The following GRID2 variants were observed in gnomAD, a reference collection of about 807,000 sequenced individuals.
The protein encoded by GRID2 is glutamate ionotropic receptor delta type subunit 2.
Under a neutral mutation model 114.8 loss-of-function variants are expected in GRID2, and 33 were observed. That is an observed-to-expected ratio of 0.29 (90% confidence interval 0.22 to 0.38). The LOEUF is 0.38. Ranked by LOEUF, GRID2 falls within the 10% of genes least tolerant of loss-of-function variation. The probability of loss-of-function intolerance (pLI) is 1.00; values close to 1 mark genes in which losing one functional copy is unlikely to be tolerated. For synonymous variants in GRID2, 505 were observed against 449.9 expected (o/e 1.12, Z -1.55); for missense variants, 1,184 against 1,257.7 (o/e 0.94, Z 0.89).
chr4:93,242,394 A>G (rs911796141), intron 8 of GRID2, among the ~76,000 whole-genome samples: 4 of 152,036 alleles, frequency 2.6e-5, no homozygotes, highest in African/African-American at 7.2e-5. Flanking sequence ...ATGTTTGTCC[A>G]GCAGCATTGA....
At chr4:92,987,812 A>G (rs1754604349) in intron 2 of GRID2, among the ~76,000 whole-genome samples, 1 of 152,148 alleles carries the variant, frequency 6.6e-6, no homozygotes, top group Non-Finnish European at 1.5e-5. Context: ...CTCTCTAATT[A>G]TAACTGTTAA....
At chr4:92,742,570 T>C (rs1298398594) in intron 2 of GRID2, among the ~76,000 whole-genome samples, 2 of 152,192 alleles carry the variant, frequency 1.3e-5, no homozygotes, top group South Asian at 2.1e-4. Context: ...ATGAGCATTT[T>C]GGTCCTGCAT....
At chr4:92,490,604 G>T (rs1233430640) in intron 1 of GRID2, among the ~76,000 whole-genome samples, 1 of 152,116 alleles carries the variant, frequency 6.6e-6, no homozygotes, top group Non-Finnish European at 1.5e-5. Context: ...TCATATTGAA[G>T]AAGTAGTGTG....
intron 1 of GRID2, among the ~76,000 whole-genome samples, chr4:92,576,417 T>A (rs1168513429): frequency 6.6e-6 from 1 of 152,212 alleles, no homozygotes; most frequent in East Asian, 1.9e-4. Flanking sequence ...TGCTGGTGGC[T>A]GCTCTGGATT....
At chr4:92,618,171 A>G (rs964243488) in intron 2 of GRID2, among the ~76,000 whole-genome samples, 1 of 151,642 alleles carries the variant, frequency 6.6e-6, no homozygotes, top group African/African-American at 2.4e-5. Context: ...TCTTTGATCT[A>G]TTTTATTTCT....
At chr4:92,619,530 T>A (rs888805618) in intron 2 of GRID2, among the ~76,000 whole-genome samples, 2 of 151,658 alleles carry the variant, frequency 1.3e-5, no homozygotes, top group South Asian at 4.1e-4. Flanking sequence ...TTGATTTTTT[T>A]AAATACCAAA....
rs1723607188 is a variant in GRID2, at chr4:93,460,140, G to T, written c.1858+4166G>T. 3.9e-5 allele frequency among the ~76,000 whole-genome samples: 6 copies of T among 152,214 alleles called. No individual in the cohort carries two copies. In the South Asian group the frequency reaches 1.2e-3, roughly 32 times the overall value. ...TATATACCCAAGTTATCCATGCCAT[G>T]GAAAGATAAACACATAATTCCCATT... On this transcript the variant is annotated intron_variant, in intron 11 of 15. Transcript: ENST00000282020.
At chr4:93,808,781 G>A (rs973820294) in exon 2 of GRID2, 2 of 152,140 alleles carry the variant, frequency 1.3e-5, no homozygotes, top group African/African-American at 2.4e-5. Flanking sequence ...AGTGGTTCAG[G>A]GAATCATCTG....
In GRID2 at chr4:93,748,876, A is replaced by G. The variant is rs186190430; in HGVS notation, c.2361-20334A>G. 4.0e-4 allele frequency among the ~76,000 whole-genome samples: 61 copies of G among 152,276 alleles called. 1 individual carries two copies. The highest frequency in any genetic ancestry group is 1.4e-3 in the Admixed American group (21 of 15,284). The stretch of plus-strand genomic sequence containing the variant: ...AGAAAAACATAGATCATTGTGACAA[A>G]TGCATTGTATCTTTATAATTCATTG... On this transcript the variant is annotated intron_variant, in intron 14 of 15. Coordinates refer to ENST00000282020, the MANE Select transcript of GRID2 (RefSeq NM_001510.4).
chr4:93,791,776 A>G (rs1734699738), intron 1 of GRID2, among the ~76,000 whole-genome samples: 1 of 152,206 alleles, frequency 6.6e-6, no homozygotes. Context: ...TGTCTTTTGT[A>G]GAGCCAGATG....
chr4:93,250,889 A>T (rs1236973928), intron 8 of GRID2, among the ~76,000 whole-genome samples: 1 of 151,754 alleles, frequency 6.6e-6, no homozygotes, highest in Non-Finnish European at 1.5e-5. Flanking sequence ...CTATTAAAAC[A>T]TGGTTGTGAG....
At chr4:93,085,502 C>G (rs928688789) in intron 3 of GRID2, among the ~76,000 whole-genome samples, 1 of 152,128 alleles carries the variant, frequency 6.6e-6, no homozygotes, top group African/African-American at 2.4e-5. Context: ...CCTGTACCTA[C>G]TTAATGCTTA....
At chr4:93,744,100 C>A (rs1268542852) in intron 14 of GRID2, among the ~76,000 whole-genome samples, 1 of 152,154 alleles carries the variant, frequency 6.6e-6, no homozygotes, top group Non-Finnish European at 1.5e-5. Flanking sequence ...AATGTGGAGA[C>A]ACTGCTCAGA....
At chr4:93,550,451 C>T (rs1317289025) in intron 13 of GRID2, among the ~76,000 whole-genome samples, 1 of 152,150 alleles carries the variant, frequency 6.6e-6, no homozygotes, top group East Asian at 1.9e-4. Flanking sequence ...TAACTGTTTA[C>T]AAAGGCTGCC....
chr4:92,588,611 G>A (rs1268771723), intron 1 of GRID2, among the ~76,000 whole-genome samples: 2 of 148,232 alleles, frequency 1.3e-5, no homozygotes, highest in Admixed American at 6.8e-5. Flanking sequence ...CCCGGGAGGC[G>A]GAGCTTGCTG....
intron 2 of GRID2, among the ~76,000 whole-genome samples, chr4:92,711,341 C>T (rs1160014892): frequency 1.3e-5 from 2 of 152,150 alleles, no homozygotes; most frequent in Non-Finnish European, 2.9e-5. Flanking sequence ...ATCAACATCT[C>T]ATCTCACTGC....
chr4:92,542,180 C>G (rs975199951), intron 1 of GRID2, among the ~76,000 whole-genome samples: 1 of 151,986 alleles, frequency 6.6e-6, no homozygotes, highest in African/African-American at 2.4e-5. Flanking sequence ...TATAGCAGTT[C>G]TGAGTATACT....
chr4:93,630,834 T>A (rs1743176689), intron 14 of GRID2, among the ~76,000 whole-genome samples: 1 of 152,018 alleles, frequency 6.6e-6, no homozygotes. Context: ...TTGGAAAAAA[T>A]TCAAAATTTC....
At chr4:92,919,700 C>T (rs1323972460) in intron 2 of GRID2, among the ~76,000 whole-genome samples, 2 of 152,156 alleles carry the variant, frequency 1.3e-5, no homozygotes, top group Admixed American at 1.3e-4. Flanking sequence ...AGTTTGATTG[C>T]ACTGTGGTCT....
Sources: gnomAD v4.1 joint callset for allele counts (sites outside exome capture counted in the v4.1 genomes callset) on GRCh38, gnomAD v4.1.1 for gene constraint, MANE v1.5 for transcripts, NCBI Gene and HGNC (gene_info 2026-07-23, HGNC 2026-07-21) for gene names.